ARMC6: variants seen among roughly 807,000 people sequenced by gnomAD.
ARMC6 encodes armadillo repeat-containing protein 6.
A neutral mutation model predicts 49.2 loss-of-function variants in ARMC6; 43 were observed. The ratio of observed to expected loss-of-function variants is 0.87; its 90% CI spans 0.69 to 1.13. The LOEUF is 1.13. Among genes scored for constraint, ARMC6 ranks in the 50% most tolerant of loss-of-function variants. ARMC6 has a pLI of 0.00. For missense variants in ARMC6, 627 were observed against 682.0 expected, an observed-to-expected ratio of 0.92 and a Z score of 0.90; for synonymous variants, 262 against 289.6, an observed-to-expected ratio of 0.90 and a Z score of 0.97.
intron 4 of ARMC6, among the ~76,000 whole-genome samples, chr19:19,049,047 A>G (rs139199802): frequency 1.8e-3 from 265 of 149,822 alleles, no homozygotes; most frequent in African/African-American, 6.2e-3. Flanking sequence ...CTTAGTATGG[A>G]TGAGGACTTA....
chr19:19,036,160 C>G (rs1233220058), intron 2 of ARMC6, among the ~76,000 whole-genome samples: 2 of 152,308 alleles, frequency 1.3e-5, no homozygotes, highest in East Asian at 3.9e-4. Flanking sequence ...CTCCCGGGTT[C>G]AAGCAATTCT....
At chr19:19,037,952 T>C (rs1186193680) in intron 2 of ARMC6, among the ~76,000 whole-genome samples, 2 of 152,278 alleles carry the variant, frequency 1.3e-5, no homozygotes, top group East Asian at 1.9e-4. Flanking sequence ...GAGGCAAGCG[T>C]AGGGTGAGCG....
rs376475842 is a variant in ARMC6 at position 19,055,775 on chromosome 19, T to C, written c.1156-16T>C. On this transcript the variant is annotated splice_polypyrimidine_tract_variant and intron_variant, in intron 7 of 8. Transcript: ENST00000535612. The surrounding 1 kb of genome is among the most constrained non-coding windows in gnomAD (Gnocchi z 5.7). ...TATCTGCTGCATCTCAGCCTTTCTG[T>C]GACTGGCCCCTGCAGGTGTGTGAGC... The C allele has an allele frequency of 3.9e-6, 6 of 1,543,966 alleles. No individual in the cohort carries two copies. The African/African-American group carries it at 8.1e-5, about 21-fold the overall frequency.
At position 19,055,691 on chromosome 19, in the gene ARMC6, G is replaced by C; in HGVS notation, c.1156-100G>C. 6.8e-7 allele frequency: 1 copy of C among 1,467,398 alleles called. No homozygotes were observed. The highest frequency in any genetic ancestry group is 1.3e-5 in the South Asian group (1 of 74,178). The allele number at this position is 1,467,398 out of a possible 1,614,324, so 90.9% of individuals were successfully genotyped here. On this transcript the variant is annotated intron_variant, in intron 7 of 8. Coordinates refer to ENST00000535612, the MANE Select transcript of ARMC6 (RefSeq NM_001199196.2). The surrounding 1 kb of genome is among the most constrained non-coding windows in gnomAD (Gnocchi z 5.7). ...CAGGAGTTGCCAGAGACCCACGGAG[G>C]GGAGGCCGCAGGGTGTTCACCAGGG...
At position 19,055,407 on chromosome 19, in the gene ARMC6, C is replaced by T. The variant is rs371340322; in HGVS notation, c.1155+11C>T. The stretch of plus-strand genomic sequence containing the variant: ...CTGACCAGCCCCCAGGTACCCACCT[C>T]GGGGGGCACACACAGTAGCAGGGTG... On this transcript the variant is annotated intron_variant, in intron 7 of 8. Transcript: ENST00000535612. The surrounding 1 kb of genome is among the most constrained non-coding windows in gnomAD (Gnocchi z 5.7). The T allele has an allele frequency of 2.3e-4, 370 of 1,592,506 alleles. No homozygotes were observed. In the African/African-American group the frequency reaches 3.8e-3, roughly 16 times the overall value.
chr19:19,054,106 G>A (rs756161107), intron 5 of ARMC6, 46 bp from the exon 6 acceptor site: 13 of 1,472,244 alleles, frequency 8.8e-6, no homozygotes, highest in Admixed American at 4.9e-5. Context: ...AGGGCCCTGC[G>A]GCTGGTTCTT....
At position 19,055,466 on chromosome 19, in the gene ARMC6, C is replaced by A; in HGVS notation, c.1155+70C>A. ...AGTCCCAGTTCAGTTTCTGTATCTG[C>A]ATGAAGCTCTATTCCCCTGCAGGGC... On this transcript the variant is annotated intron_variant, in intron 7 of 8. Coordinates refer to ENST00000535612, the MANE Select transcript of ARMC6 (RefSeq NM_001199196.2). The surrounding 1 kb of genome is among the most constrained non-coding windows in gnomAD (Gnocchi z 5.7). 1 of 1,525,754 alleles carries A rather than the reference C, an allele frequency of 6.6e-7. No individual in the cohort carries two copies. The allele number at this position is 1,525,754 out of a possible 1,614,324, so 94.5% of individuals were successfully genotyped here.
chr19:19,035,770 TAGAA>T lies in ARMC6; in HGVS notation c.29+1535_29+1538del, dbSNP rs199533087. On this transcript the variant is annotated intron_variant, in intron 2 of 8. Transcript: ENST00000535612. The stretch of plus-strand genomic sequence containing the variant: ...GTATTTGAGACAGGTGTCAATCAGT[TAGAA>T]AGCTTATTTTGCCAAGGTTAAGGAC... Among the ~76,000 whole-genome samples the T allele has an allele frequency of 1.5e-3, 226 of 151,496 alleles. 7 individuals carry two copies. The East Asian group carries it at 0.036, about 24-fold the overall frequency.
intron 2 of ARMC6, chr19:19,037,405 C>A (rs538455972): frequency 3.1e-4 from 71 of 229,372 alleles, no homozygotes; most frequent in South Asian, 2.6e-3. Flanking sequence ...GAGACAAGGT[C>A]TTACTTTGTC....
chr19:19,049,370 G>A (rs925215278), intron 4 of ARMC6, among the ~76,000 whole-genome samples: 2 of 151,964 alleles, frequency 1.3e-5, no homozygotes, highest in African/African-American at 4.8e-5. Flanking sequence ...TTTATTTTTA[G>A]TTTACACATC....
chr19:19,051,837 G>A lies in ARMC6; in HGVS notation c.495G>A (p.Leu165=), dbSNP rs774614510. 1 of 1,614,114 alleles carries A rather than the reference G, an allele frequency of 6.2e-7. No homozygotes were observed. The highest frequency in any genetic ancestry group is 8.5e-7 in the Non-Finnish European group (1 of 1,180,034). ...AGTCCCTCAATGCCCTGTCGGTGCT[G>A]ACTGATGGACAGCCAGACCTCCTGG... is the stretch of plus-strand genomic sequence containing the variant. ...LLQSLNALSV[L]TDGQPDLLDA... Residue 165 remains leucine, a synonymous_variant, in exon 5 of 9, where the codon CTG becomes CTA. Coordinates refer to ENST00000535612, the MANE Select transcript of ARMC6 (RefSeq NM_001199196.2).
intron 2 of ARMC6, among the ~76,000 whole-genome samples, chr19:19,040,269 C>T (rs1209276847): frequency 6.6e-6 from 1 of 152,042 alleles, no homozygotes; most frequent in Admixed American, 6.6e-5. Context: ...TGTTGGGCTC[C>T]CATCAGTTTT....
rs2059532213 is a variant in ARMC6, at chr19:19,055,093, T to C, written c.1024-172T>C. 6.6e-6 allele frequency among the ~76,000 whole-genome samples: 1 copy of C among 152,196 alleles called. No individual in the cohort carries two copies. The highest frequency in any genetic ancestry group is 1.5e-5 in the Non-Finnish European group (1 of 68,030). ...ATCAAGTCACCTGGATGGTACCGTT[T>C]GGACACAGGCAGCCTGAGCCACAGG... On this transcript the variant is annotated intron_variant, in intron 6 of 8. Coordinates refer to ENST00000535612, the MANE Select transcript of ARMC6 (RefSeq NM_001199196.2). The surrounding 1 kb of genome is among the most constrained non-coding windows in gnomAD (Gnocchi z 5.7).
chr19:19,041,413 A>G (rs560537589), intron 2 of ARMC6, among the ~76,000 whole-genome samples: 10 of 151,638 alleles, frequency 6.6e-5, no homozygotes, highest in South Asian at 6.3e-4. Context: ...CAGTGGTGCA[A>G]TCTCGGCTCA....
In ARMC6 at chr19:19,041,932, CAG is replaced by C. The variant is rs376585233; in HGVS notation, c.30-778_30-777del. On this transcript the variant is annotated intron_variant, in intron 2 of 8. Coordinates refer to ENST00000535612, the MANE Select transcript of ARMC6 (RefSeq NM_001199196.2). ...GAATCTTTTTTTTTTCTTTTTGAGT[CAG>C]GGGCTTGCTCTGTTGCCCAGGTTGG... 1.0e-3 allele frequency among the ~76,000 whole-genome samples: 154 copies of C among 151,554 alleles called. 1 individual carries two copies. The highest frequency in any genetic ancestry group is 3.6e-3 in the African/African-American group (148 of 41,338).
At position 19,051,863 on chromosome 19, in the gene ARMC6, A is replaced by T; in HGVS notation, c.521A>T (p.Asp174Val). 2 of 1,614,130 alleles carry T rather than the reference A, an allele frequency of 1.2e-6. No individual in the cohort carries two copies. Among genetic ancestry groups the T allele is most frequent in the Non-Finnish European group, 1.7e-6 (2 of 1,180,022 alleles). The change falls in exon 5 of 9, where the codon GAT (aspartate) becomes GTT (valine). Residue 174 changes from aspartate to valine, a missense_variant. Asp to Val is a radical substitution (Grantham distance 152). Coordinates refer to ENST00000535612, the MANE Select transcript of ARMC6 (RefSeq NM_001199196.2). ...VLTDGQPDLL[D>V]AQGLQLLVAT... is the part of the protein sequence containing the mutation. Reference sequence around the variant, plus strand: ...ACTGATGGACAGCCAGACCTCCTGGATGCCCAGGGCCTGCAGCTCCTAGTG... The same window carrying T: ...ACTGATGGACAGCCAGACCTCCTGGTTGCCCAGGGCCTGCAGCTCCTAGTG...
intron 2 of ARMC6, among the ~76,000 whole-genome samples, chr19:19,034,743 C>T (rs1472219408): frequency 6.6e-6 from 1 of 151,796 alleles, no homozygotes; most frequent in African/African-American, 2.4e-5. Context: ...TGCGCAACAC[C>T]GCACCTGGCT....
intron 8 of ARMC6, among the ~76,000 whole-genome samples, chr19:19,057,207 T>G (rs1166925648): frequency 1.3e-5 from 2 of 152,252 alleles, no homozygotes; most frequent in African/African-American, 4.8e-5. Flanking sequence ...TCCCTGAGCC[T>G]GTTTCCTTGC....
At position 19,057,469 on chromosome 19, in the gene ARMC6, G is replaced by A. The variant is rs767749400; in HGVS notation, c.1347G>A (p.Ser449=). The A allele has an allele frequency of 4.1e-5, 66 of 1,613,880 alleles. No homozygotes were observed. The highest frequency in any genetic ancestry group is 6.6e-5 in the South Asian group (6 of 91,082). ...RNLVAHGQAF[S]KPILDLGAEA... ...TGGTGGCCCACGGCCAGGCCTTCTCGAAGCCCATCCTGGACCTGGGGGCTG... is the reference window on the plus strand; with the variant it reads ...TGGTGGCCCACGGCCAGGCCTTCTCAAAGCCCATCCTGGACCTGGGGGCTG... The change falls in exon 9 of 9, where the codon TCG becomes TCA. Residue 449 remains serine (S), a synonymous_variant. Coordinates refer to ENST00000535612, the MANE Select transcript of ARMC6 (RefSeq NM_001199196.2).
Sources: allele counts gnomAD v4.1 joint callset (sites outside exome capture counted in the v4.1 genomes callset), GRCh38; gene constraint gnomAD v4.1.1; non-coding constraint Gnocchi (gnomAD v3.1); transcripts MANE v1.5; gene names NCBI Gene and HGNC (gene_info 2026-07-23, HGNC 2026-07-21).